Variants in MTG2 observed in about 807,000 individuals in gnomAD.
MTG2 encodes the protein mitochondrial ribosome associated GTPase 2, also known as mitochondrial ribosome-associated GTPase 2.
In MTG2, 23 loss-of-function variants were observed where a neutral mutation model predicts 28.6. The observed-to-expected ratio is 0.80, with a 90% CI of 0.58 to 1.14. MTG2 has a LOEUF of 1.14. Ranked by LOEUF, MTG2 falls within the 50% of genes most tolerant of loss-of-function variation. The probability of loss-of-function intolerance (pLI) is 0.00; values close to 1 mark genes in which losing one functional copy is unlikely to be tolerated. For missense variants in MTG2, 539 were observed against 552.0 expected (o/e 0.98, Z 0.24); for synonymous variants, 260 against 251.8 (o/e 1.03, Z -0.31).
chr20:62,194,927 T>G (rs796899222), intron 2 of MTG2, among the ~76,000 whole-genome samples: 4 of 152,366 alleles, frequency 2.6e-5, no homozygotes, highest in African/African-American at 9.6e-5. Flanking sequence ...CCGGGCACAG[T>G]GGCTCACGCC....
At chr20:62,195,712 G>A (rs1475729397) in intron 2 of MTG2, 90 bp from the exon 3 acceptor site, 2 of 1,481,574 alleles carry the variant, frequency 1.3e-6, no homozygotes, top group Non-Finnish European at 1.9e-6. Flanking sequence ...GGCTGTTATA[G>A]ATAGAAGATG....
chr20:62,185,060 A>G (rs1423152595), intron 1 of MTG2, among the ~76,000 whole-genome samples: 1 of 152,100 alleles, frequency 6.6e-6, no homozygotes, highest in East Asian at 1.9e-4. Context: ...CAGTGAGCCA[A>G]GATCCCACCA....
chr20:62,188,625 T>A (rs191535572), intron 1 of MTG2, among the ~76,000 whole-genome samples: 70 of 151,494 alleles, frequency 4.6e-4, no homozygotes, highest in African/African-American at 1.7e-3. Context: ...ACTGCTGGGA[T>A]TACAGGTGTG....
chr20:62,198,861 C>A lies in MTG2; in HGVS notation c.687+9C>A. On this transcript the variant is annotated intron_variant, in intron 5 of 6. Transcript: ENST00000370823. ...TGGCCCACGCCGGAATGGTAGGTGTCCCCACTGCCAACAGCATCTGCACAC... is the reference window on the plus strand; with the variant it reads ...TGGCCCACGCCGGAATGGTAGGTGTACCCACTGCCAACAGCATCTGCACAC... 6.2e-7 allele frequency: 1 copy of A among 1,613,860 alleles called. No individual in the cohort carries two copies. Among genetic ancestry groups the A allele is most frequent in the Non-Finnish European group, 8.5e-7 (1 of 1,179,934 alleles).
At position 62,197,960 on chromosome 20, in the gene MTG2, A is replaced by T; in HGVS notation, c.461A>T (p.Tyr154Phe). The T allele has an allele frequency of 1.2e-6, 2 of 1,613,782 alleles. No homozygotes were observed. Among genetic ancestry groups the T allele is most frequent in the Non-Finnish European group, 8.5e-7 (1 of 1,179,746 alleles). ...NCFGRSGAVL[Y>F]IRVPVGTLVK... ...TTCGGGCGCAGTGGCGCCGTCCTCTACATCCGGGTGAGCCGAGACTGCCGG... is the reference window on the plus strand; with the variant it reads ...TTCGGGCGCAGTGGCGCCGTCCTCTTCATCCGGGTGAGCCGAGACTGCCGG... Residue 154 changes from tyrosine (Y) to phenylalanine (F), a missense_variant, in exon 4 of 7, where the codon TAC becomes TTC. Physicochemically the swap from Tyr to Phe is conservative, Grantham distance 22. Coordinates refer to ENST00000370823, the MANE Select transcript of MTG2 (RefSeq NM_015666.4).
At chr20:62,199,740 G>C (rs2058130782) in intron 6 of MTG2, among the ~76,000 whole-genome samples, 1 of 136,722 alleles carries the variant, frequency 7.3e-6, no homozygotes, top group African/African-American at 2.8e-5. Flanking sequence ...TGTCACCCTG[G>C]CTGGAGTGCA....
intron 2 of MTG2, 32 bp downstream of exon 2, chr20:62,193,656 G>C: frequency 1.3e-6 from 2 of 1,573,772 alleles, no homozygotes; most frequent in Non-Finnish European, 1.7e-6. Flanking sequence ...CAGCTTGCCT[G>C]TCTCCTCCTC....
rs1339679178 is a variant in MTG2 at position 62,198,139 on chromosome 20, CA to C, written c.468+175del. The C allele has an allele frequency of 4.3e-5, 26 of 602,876 alleles. 1 individual carries two copies. The highest frequency in any genetic ancestry group is 7.6e-5 in the Non-Finnish European group (26 of 340,006). 37.3% of individuals were successfully genotyped at this position (602,876 alleles called of 1,614,324 possible). On this transcript the variant is annotated intron_variant, in intron 4 of 6. Coordinates refer to ENST00000370823, the MANE Select transcript of MTG2 (RefSeq NM_015666.4). Reference sequence around the variant, plus strand: ...GGGAAAGCAGCCCCACCCCTCAAAGCAAACCCAGACGGGCATTTGTACCAGG... The same window carrying C: ...GGGAAAGCAGCCCCACCCCTCAAAGCAACCCAGACGGGCATTTGTACCAGG...
rs981532922 is a variant in MTG2, at chr20:62,198,678, C to T, written c.513C>T (p.Ala171=). ...TGAAGGAGGGAGGCAGAGTTGTGGCCGACCTGTCTTGCGTGGGAGATGAGT... is the reference window on the plus strand; with the variant it reads ...TGAAGGAGGGAGGCAGAGTTGTGGCTGACCTGTCTTGCGTGGGAGATGAGT... ...TLVKEGGRVV[A]DLSCVGDEYI... is the part of the protein sequence containing the mutation. The change falls in exon 5 of 7, where the codon GCC becomes GCT. Residue 171 remains alanine (A), a synonymous_variant. Coordinates refer to ENST00000370823, the MANE Select transcript of MTG2 (RefSeq NM_015666.4). 6.8e-6 allele frequency: 11 copies of T among 1,614,100 alleles called. No homozygotes were observed. The highest frequency in any genetic ancestry group is 2.2e-5 in the South Asian group (2 of 91,076).
intron 3 of MTG2, chr20:62,197,569 G>A (rs1344666962): frequency 5.8e-6 from 2 of 344,870 alleles, no homozygotes; most frequent in African/African-American, 2.1e-5. Flanking sequence ...ACTCAGCATA[G>A]ACGCATAGCG....
chr20:62,195,904 C>G lies in MTG2; in HGVS notation c.307C>G (p.Pro103Ala), dbSNP rs369120147. 53 of 1,614,030 alleles carry G rather than the reference C, an allele frequency of 3.3e-5. No individual in the cohort carries two copies. Among genetic ancestry groups the G allele is most frequent in the Non-Finnish European group, 4.4e-5 (52 of 1,180,040 alleles). ...TGAGCCCCGCAAGGAGTTTGGAGGC[C>G]CTGATGGAGGGGACGGAGGCAACGG... ...HSEPRKEFGG[P>A]DGGDGGNGGH... Residue 103 changes from proline to alanine, a missense_variant, in exon 3 of 7, where the codon CCT (proline) becomes GCT (alanine). Transcript: ENST00000370823.
chr20:62,189,244 G>A (rs1224614445), intron 1 of MTG2, among the ~76,000 whole-genome samples: 1 of 151,806 alleles, frequency 6.6e-6, no homozygotes, highest in East Asian at 1.9e-4. Flanking sequence ...AGTCAAGGCT[G>A]TAATGAGCTG....
At chr20:62,192,576 G>A (rs2145843342) in intron 1 of MTG2, among the ~76,000 whole-genome samples, 1 of 152,234 alleles carries the variant, frequency 6.6e-6, no homozygotes, top group Admixed American at 6.5e-5. Flanking sequence ...GGGTGGGGGT[G>A]GGGCCGAAAG....
intron 6 of MTG2, among the ~76,000 whole-genome samples, chr20:62,200,440 C>T (rs1739591): frequency 0.64 from 97,030 of 152,044 alleles, 31,331 homozygotes; most frequent in East Asian, 0.88. Flanking sequence ...TCCATCGCCA[C>T]GCTGGTCTCC....
At chr20:62,184,280 C>T (rs1253200253) in intron 1 of MTG2, among the ~76,000 whole-genome samples, 2 of 151,952 alleles carry the variant, frequency 1.3e-5, no homozygotes, top group Non-Finnish European at 2.9e-5. Flanking sequence ...ATCGCTTGAA[C>T]CTGGGAGGTG....
chr20:62,198,059 G>A (rs2058092684), intron 4 of MTG2, 92 bp downstream of exon 4: 1 of 1,006,718 alleles, frequency 9.9e-7, no homozygotes, highest in Non-Finnish European at 1.5e-6. Context: ...GGCCCCTGTG[G>A]CTTGATGCCC....
chr20:62,200,901 C>A lies in MTG2; in HGVS notation c.1045C>A (p.Leu349Ile). The A allele has an allele frequency of 6.2e-7, 1 of 1,614,046 alleles. No homozygotes were observed. The highest frequency in any genetic ancestry group is 8.5e-7 in the Non-Finnish European group (1 of 1,180,038). Residue 349 changes from leucine to isoleucine, a missense_variant, in exon 7 of 7, where the codon CTC (leucine) becomes ATC (isoleucine). Leu to Ile is a conservative substitution (Grantham distance 5). Coordinates refer to ENST00000370823, the MANE Select transcript of MTG2 (RefSeq NM_015666.4). ...CGCAATCGTCGCAAACAAGATTGACCTCCCTGAAGCCCAAGCCAATCTGTC... is the reference window on the plus strand; with the variant it reads ...CGCAATCGTCGCAAACAAGATTGACATCCCTGAAGCCCAAGCCAATCTGTC... ...PHAIVANKID[L>I]PEAQANLSQL... is the part of the protein sequence containing the mutation.
At chr20:62,185,048 T>C (rs1478807226) in intron 1 of MTG2, among the ~76,000 whole-genome samples, 1 of 151,836 alleles carries the variant, frequency 6.6e-6, no homozygotes, top group African/African-American at 2.4e-5. Flanking sequence ...AGGCGGAGGT[T>C]ACAGTGAGCC....
At chr20:62,193,737 G>T in intron 2 of MTG2, 113 bp downstream of exon 2, 1 of 1,015,214 alleles carries the variant, frequency 9.9e-7, no homozygotes. Context: ...GATGATCTTA[G>T]TGATGGGGCA....
Sources: gnomAD v4.1 joint callset for allele counts (sites outside exome capture counted in the v4.1 genomes callset) on GRCh38, gnomAD v4.1.1 for gene constraint, MANE v1.5 for transcripts, NCBI Gene and HGNC (gene_info 2026-07-23, HGNC 2026-07-21) for gene names.